LPIN2: variants seen among roughly 807,000 people sequenced by gnomAD.
LPIN2 encodes the protein lipin 2, also known as phosphatidate phosphatase LPIN2.
In LPIN2, 55 loss-of-function variants were observed where a neutral mutation model predicts 111.4. The observed-to-expected ratio is 0.49, with a 90% CI of 0.40 to 0.62. The LOEUF is 0.62. LPIN2 is among the 20% of genes least tolerant of loss of function. The pLI is 0.00. For synonymous variants in LPIN2, 425 were observed against 414.0 expected (o/e 1.03, Z -0.32); for missense variants, 992 against 1,112.1 (o/e 0.89, Z 1.54).
chr18:2,941,906 A>G (rs1244373785), intron 4 of LPIN2, among the ~76,000 whole-genome samples: 1 of 152,228 alleles, frequency 6.6e-6, no homozygotes, highest in East Asian at 1.9e-4. Flanking sequence ...CCTAGGTGAC[A>G]GAGAGAGACT....
chr18:2,919,914 T>G lies in LPIN2; in HGVS notation c.*379A>C, dbSNP rs1018308270. 1 of 323,070 alleles carries G rather than the reference T, an allele frequency of 3.1e-6. No individual in the cohort carries two copies. Among genetic ancestry groups the G allele is most frequent in the African/African-American group, 2.1e-5 (1 of 46,716 alleles). The allele number at this position is 323,070 out of a possible 1,614,324, so 20.0% of individuals were successfully genotyped here. ...CCCTGGTTACAGAAGCCACCTCAAC[T>G]GCCCAGTGGAAACTGGAACACTTCA... On this transcript the variant is annotated 3_prime_UTR_variant, in exon 20 of 20. Transcript: ENST00000677752.
At chr18:2,966,414 T>G (rs1482371684) in intron 1 of LPIN2, among the ~76,000 whole-genome samples, 1 of 152,234 alleles carries the variant, frequency 6.6e-6, no homozygotes, top group Non-Finnish European at 1.5e-5. Context: ...TGTTATCTCA[T>G]GTAGTCTTCA....
chr18:2,970,551 T>C (rs943502876), intron 1 of LPIN2, among the ~76,000 whole-genome samples: 3 of 152,198 alleles, frequency 2.0e-5, no homozygotes, highest in African/African-American at 7.2e-5. Flanking sequence ...CTTTGCGTGG[T>C]TGTTCAGAGT....
chr18:2,929,128 T>C lies in LPIN2; in HGVS notation c.1487A>G (p.His496Arg), dbSNP rs759229367. The C allele has an allele frequency of 1.2e-5, 20 of 1,606,336 alleles. No individual in the cohort carries two copies. The East Asian group carries it at 4.5e-4, about 36-fold the overall frequency. Residue 496 changes from histidine (H) to arginine (R), a missense_variant, in exon 10 of 20, where the codon CAC becomes CGC. This residue lies in a region of LPIN2 where 709 missense variants were observed against 753.2 expected (regional missense o/e 0.94). Transcript: ENST00000677752. ...EKFMEHIITY[H>R]EFAENPGLID... ...AAGTCCAGGGTTTTCTGCAAATTCG[T>C]GATAAGTAATGATATGCTCCATGAA...
chr18:2,926,793 T>G lies in LPIN2; in HGVS notation c.1723A>C (p.Lys575Gln), dbSNP rs199854941. 21 of 1,613,842 alleles carry G rather than the reference T, an allele frequency of 1.3e-5. No individual in the cohort carries two copies. Among genetic ancestry groups the G allele is most frequent in the Non-Finnish European group, 1.7e-5 (20 of 1,180,004 alleles). The change falls in exon 13 of 20, where the codon AAG becomes CAG. Residue 575 changes from lysine (K) to glutamine (Q), a missense_variant. Physicochemically the swap from Lys to Gln is moderately conservative, Grantham distance 53. Coordinates refer to ENST00000677752, the MANE Select transcript of LPIN2 (RefSeq NM_001375808.2). Reference protein sequence around the residue: ...ESMTKQLPESKEGKSEAPPAS... With the variant: ...ESMTKQLPESQEGKSEAPPAS... ...GGCGGTGCCTCAGATTTTCCCTCCT[T>G]GGATTCTGGCAGCTGTAACAGCAAG...
Position 2,954,984 on chromosome 18 carries a change from G to C in LPIN2, c.193-385C>G, listed in dbSNP as rs553258845. Among the ~76,000 whole-genome samples the C allele has an allele frequency of 1.4e-4, 21 of 152,254 alleles. No individual in the cohort carries two copies. The East Asian group carries it at 3.9e-3, about 28-fold the overall frequency. ...ACAAGTTTCAGGAACCTCAGTATGT[G>C]AGCTGTGAGCAACTGCATCAAGTAC... On this transcript the variant is annotated intron_variant, in intron 2 of 19. Transcript: ENST00000677752.
Position 2,921,215 on chromosome 18 carries a change from C to T in LPIN2, c.2442+318G>A, listed in dbSNP as rs1302572718. On this transcript the variant is annotated intron_variant, in intron 18 of 19. Coordinates refer to ENST00000677752, the MANE Select transcript of LPIN2 (RefSeq NM_001375808.2). ...GTGCTAGCGAAGGGCCAGCACTGAC[C>T]CTGGCTCTGGGGTGATCCAAGGACG... 1.8e-5 allele frequency: 10 copies of T among 547,838 alleles called. No individual in the cohort carries two copies. The East Asian group carries it at 2.9e-4, about 16-fold the overall frequency. 33.9% of individuals were successfully genotyped at this position (547,838 alleles called of 1,614,324 possible).
chr18:2,997,235 G>A (rs2078359779), intron 1 of LPIN2, among the ~76,000 whole-genome samples: 1 of 152,126 alleles, frequency 6.6e-6, no homozygotes, highest in Admixed American at 6.5e-5. Flanking sequence ...GCCGGCCTTG[G>A]TGTCCCAAAG....
chr18:2,924,119 C>T (rs554503754), intron 15 of LPIN2, among the ~76,000 whole-genome samples: 131 of 152,298 alleles, frequency 8.6e-4, no homozygotes, highest in African/African-American at 2.8e-3. Flanking sequence ...TTTTCCTCCG[C>T]CCCAATGTCA....
chr18:2,998,766 T>C (rs681043), intron 1 of LPIN2, among the ~76,000 whole-genome samples: 139,070 of 152,132 alleles, frequency 0.91, 64,386 homozygotes, highest in East Asian at 1. Flanking sequence ...CAGAGCATGA[T>C]GAGAACCTGG....
intron 1 of LPIN2, among the ~76,000 whole-genome samples, chr18:2,972,646 T>C (rs2077939981): frequency 2.0e-5 from 3 of 152,178 alleles, no homozygotes; most frequent in East Asian, 3.9e-4. Context: ...CAAAATAACA[T>C]GTGTGGCTTA....
rs1598523381 is a variant in LPIN2 at position 2,925,140 on chromosome 18, C to T, written c.1938+84G>A. 1.0e-5 allele frequency: 16 copies of T among 1,528,236 alleles called. No individual in the cohort carries two copies. The highest frequency in any genetic ancestry group is 2.3e-5 in the East Asian group (1 of 44,384). The allele number at this position is 1,528,236 out of a possible 1,614,324, so 94.7% of individuals were successfully genotyped here. A position where few individuals can be genotyped will look rare whatever the true frequency, so the allele number is the denominator to read the frequency against. ...CGTGTGGCGTGTATGCAGCTGGGGA[C>T]GTGTGGACAGAAGAGGATGTGCATC... is the stretch of plus-strand genomic sequence containing the variant. On this transcript the variant is annotated intron_variant, in intron 14 of 19. Coordinates refer to ENST00000677752, the MANE Select transcript of LPIN2 (RefSeq NM_001375808.2). The surrounding 1 kb of genome is among the most constrained non-coding windows in gnomAD (Gnocchi z 4.1).
In LPIN2 at chr18:2,951,449, TA is replaced by T. The variant is rs10570659; in HGVS notation, c.289-94del. 208,682 of 813,346 alleles carry T rather than the reference TA, an allele frequency of 0.26. 9,033 individuals are homozygous for T. The highest frequency in any genetic ancestry group is 0.36 in the African/African-American group (20,186 of 56,732). The allele number at this position is 813,346 out of a possible 1,614,324, so 50.4% of individuals were successfully genotyped here. A position where few individuals can be genotyped will look rare whatever the true frequency, so the allele number is the denominator to read the frequency against. On this transcript the variant is annotated intron_variant, in intron 3 of 19. Coordinates refer to ENST00000677752, the MANE Select transcript of LPIN2 (RefSeq NM_001375808.2). ...TTGAATATATAAATTTTCACCATGG[TA>T]AAAAAAAAAAAAATACATATTCCCT...
intron 5 of LPIN2, 64 bp from the exon 6 acceptor site, chr18:2,939,667 T>A: frequency 6.3e-7 from 1 of 1,585,888 alleles, no homozygotes; most frequent in Non-Finnish European, 8.6e-7. Context: ...TTGCTGAGCC[T>A]GACAGATTAA....
chr18:2,920,975 G>T, intron 18 of LPIN2, 94 bp from the exon 19 acceptor site: 2 of 857,788 alleles, frequency 2.3e-6, no homozygotes, highest in South Asian at 2.7e-5. Flanking sequence ...TGCACAGACA[G>T]ACTCGACAGA....
Position 2,934,340 on chromosome 18 carries a change from G to T in LPIN2, c.1268+11C>A. 1.9e-6 allele frequency: 3 copies of T among 1,567,198 alleles called. No homozygotes were observed. The highest frequency in any genetic ancestry group is 2.2e-5 in the South Asian group (2 of 89,882). ...TCAGAGCTGTCCTTCAATAAATAAGGACCACTCTACCTTTTAGGGAAATAA... is the reference window on the plus strand; with the variant it reads ...TCAGAGCTGTCCTTCAATAAATAAGTACCACTCTACCTTTTAGGGAAATAA... On this transcript the variant is annotated intron_variant, in intron 8 of 19. Transcript: ENST00000677752.
At chr18:2,984,680 G>A (rs924977539) in intron 1 of LPIN2, among the ~76,000 whole-genome samples, 1 of 152,138 alleles carries the variant, frequency 6.6e-6, no homozygotes, top group Non-Finnish European at 1.5e-5. Flanking sequence ...ACTGTAAGGA[G>A]GGTGGAAAGA....
intron 13 of LPIN2, 55 bp downstream of exon 13, chr18:2,926,668 T>C (rs2077135625): frequency 1.2e-5 from 17 of 1,455,382 alleles, no homozygotes; most frequent in African/African-American, 1.4e-5. Flanking sequence ...TTAGAAGTAA[T>C]GGCCCTGCTA....
In LPIN2 at chr18:2,925,373, T is replaced by TC; in HGVS notation, c.1794-6dup. 6.2e-7 allele frequency: 1 copy of TC among 1,614,098 alleles called. No individual in the cohort carries two copies. The highest frequency in any genetic ancestry group is 8.5e-7 in the Non-Finnish European group (1 of 1,179,988). ...GAGGAGTCATTCTCGGCCGGCCTGT[T>TC]CAACATTAGCCCAGTTACGGAAGAG... On this transcript the variant is annotated splice_polypyrimidine_tract_variant and splice_region_variant and intron_variant, in intron 13 of 19. Coordinates refer to ENST00000677752, the MANE Select transcript of LPIN2 (RefSeq NM_001375808.2). The surrounding 1 kb of genome is among the most constrained non-coding windows in gnomAD (Gnocchi z 4.1).
Sources: gnomAD v4.1 joint callset for allele counts (sites outside exome capture counted in the v4.1 genomes callset) on GRCh38, gnomAD v4.1.1 for gene constraint, gnomAD v4.1.1 regional missense constraint, Gnocchi (gnomAD v3.1) non-coding constraint, MANE v1.5 for transcripts, NCBI Gene and HGNC (gene_info 2026-07-23, HGNC 2026-07-21) for gene names.